HDAC4: variants seen among roughly 807,000 people sequenced by gnomAD.
The protein encoded by HDAC4 is histone deacetylase A.
In HDAC4, 16 loss-of-function variants were observed where a neutral mutation model predicts 135.1. The ratio of observed to expected loss-of-function variants is 0.12; its 90% CI spans 0.08 to 0.18. The LOEUF is 0.18. Ranked by LOEUF, HDAC4 falls within the 10% of genes least tolerant of loss-of-function variation. The probability of loss-of-function intolerance (pLI) is 1.00; values close to 1 mark genes in which losing one functional copy is unlikely to be tolerated. For synonymous variants in HDAC4, 685 were observed against 653.4 expected, an observed-to-expected ratio of 1.05 and a Z score of -0.74; for missense variants, 1,143 against 1,511.8, an observed-to-expected ratio of 0.76 and a Z score of 4.05.
intron 24 of HDAC4, among the ~76,000 whole-genome samples, chr2:239,055,656 G>A (rs750534754): frequency 6.6e-6 from 1 of 151,016 alleles, no homozygotes; most frequent in Non-Finnish European, 1.5e-5. Context: ...GGCGGAGGCT[G>A]TAGTGAGCCA....
At chr2:239,166,783 G>A (rs755224747) in intron 5 of HDAC4, among the ~76,000 whole-genome samples, 3 of 152,216 alleles carry the variant, frequency 2.0e-5, no homozygotes, top group East Asian at 1.9e-4. Flanking sequence ...AAGGCCGGGC[G>A]GTGGGGAAGA....
rs1207960041 is a variant in HDAC4 at position 239,139,204 on chromosome 2, T to C, written c.978+480A>G. Among the ~76,000 whole-genome samples, 3 of 152,212 alleles carry C rather than the reference T, an allele frequency of 2.0e-5. No homozygotes were observed. The highest frequency in any genetic ancestry group is 6.5e-5 in the Admixed American group (1 of 15,290). On this transcript the variant is annotated intron_variant, in intron 9 of 26. Coordinates refer to ENST00000543185, the MANE Select transcript of HDAC4 (RefSeq NM_001378414.1). This position sits in a 1 kb window ranked among gnomAD's most constrained non-coding sequence, Gnocchi z 5.3. ...GCTCCAGTCGGCCCTGACACATAGT[T>C]TGTTGGCCGACATCGTGTTGTGTAT...
At chr2:239,189,569 G>A (rs553229999) in intron 4 of HDAC4, among the ~76,000 whole-genome samples, 19 of 152,276 alleles carry the variant, frequency 1.2e-4, no homozygotes, top group East Asian at 9.7e-4. Flanking sequence ...GAAATTAGGC[G>A]ATAAGCATTT....
chr2:239,205,638 A>C (rs1434361701), intron 3 of HDAC4, among the ~76,000 whole-genome samples: 4 of 152,144 alleles, frequency 2.6e-5, no homozygotes, highest in Non-Finnish European at 4.4e-5. Context: ...AGAGAAATCT[A>C]AACAGACTTC....
intron 15 of HDAC4, 151 bp from the exon 16 acceptor site, chr2:239,103,047 G>A: frequency 2.4e-6 from 2 of 827,080 alleles, no homozygotes; most frequent in South Asian, 1.6e-5. Context: ...AAAAGAAGAA[G>A]CAACATCACC....
At chr2:239,355,248 T>C (rs1170305345) in intron 1 of HDAC4, among the ~76,000 whole-genome samples, 1 of 152,262 alleles carries the variant, frequency 6.6e-6, no homozygotes, top group African/African-American at 2.4e-5. Flanking sequence ...ATTATTTTTG[T>C]TAAACTTGTT....
chr2:239,128,276 G>T (rs2040331866), intron 11 of HDAC4, among the ~76,000 whole-genome samples: 1 of 150,904 alleles, frequency 6.6e-6, no homozygotes, highest in South Asian at 2.1e-4. Context: ...GCTGGGCGCG[G>T]TGGTGGCTGT....
At chr2:239,305,912 A>C (rs2052555510) in intron 2 of HDAC4, among the ~76,000 whole-genome samples, 1 of 152,242 alleles carries the variant, frequency 6.6e-6, no homozygotes, top group African/African-American at 2.4e-5. Context: ...ATCTGACAGC[A>C]TTCAAGGAGA....
intron 3 of HDAC4, 28 bp downstream of exon 3, chr2:239,236,565 C>A (rs775985925): frequency 6.5e-7 from 1 of 1,542,618 alleles, no homozygotes; most frequent in Admixed American, 2.0e-5. Flanking sequence ...CAGGGCCGGC[C>A]GGACAGGGCA....
chr2:239,064,975 G>A (rs1373798146), intron 24 of HDAC4, among the ~76,000 whole-genome samples: 2 of 152,200 alleles, frequency 1.3e-5, no homozygotes, highest in Non-Finnish European at 2.9e-5. Flanking sequence ...CAGACCCCGC[G>A]AGCGCCGTGC....
chr2:239,398,684 T>C (rs1474857033), intron 1 of HDAC4, among the ~76,000 whole-genome samples: 1 of 152,092 alleles, frequency 6.6e-6, no homozygotes, highest in African/African-American at 2.4e-5. Context: ...CATTTGGGGA[T>C]TTTTATTTTG....
intron 1 of HDAC4, among the ~76,000 whole-genome samples, chr2:239,370,841 A>C (rs1385492844): frequency 6.6e-6 from 1 of 152,238 alleles, no homozygotes; most frequent in Non-Finnish European, 1.5e-5. Context: ...TTACTTTAAG[A>C]ACGTTCCTGG....
At chr2:239,120,407 A>G (rs990568420) in intron 12 of HDAC4, among the ~76,000 whole-genome samples, 1 of 126,724 alleles carries the variant, frequency 7.9e-6, no homozygotes, top group Admixed American at 8.1e-5. Context: ...ACACAGACAC[A>G]CACACACAGA....
intron 2 of HDAC4, among the ~76,000 whole-genome samples, chr2:239,344,745 AAC>A (rs1002431586): frequency 2.6e-5 from 4 of 152,202 alleles, no homozygotes; most frequent in African/African-American, 9.7e-5. Context: ...GTATTTTTGA[AAC>A]CTTGCCTTTA....
At chr2:239,304,210 G>C (rs1415484290) in intron 2 of HDAC4, among the ~76,000 whole-genome samples, 1 of 152,202 alleles carries the variant, frequency 6.6e-6, no homozygotes, top group East Asian at 1.9e-4. Flanking sequence ...TGAGCTCGGG[G>C]AAGAAGTCCA....
chr2:239,326,860 G>A (rs923658073), intron 2 of HDAC4, among the ~76,000 whole-genome samples: 3 of 152,200 alleles, frequency 2.0e-5, no homozygotes, highest in African/African-American at 7.2e-5. Context: ...CTCTCTGAAT[G>A]CTGATGGGAG....
intron 2 of HDAC4, among the ~76,000 whole-genome samples, chr2:239,264,866 C>A (rs919673645): frequency 6.6e-6 from 1 of 152,208 alleles, no homozygotes; most frequent in Non-Finnish European, 1.5e-5. Flanking sequence ...GTTCCGGGGA[C>A]CTGAAGGCCC....
chr2:239,063,367 AT>A (rs373851311), intron 24 of HDAC4, among the ~76,000 whole-genome samples: 7 of 148,606 alleles, frequency 4.7e-5, no homozygotes, highest in Admixed American at 6.7e-5. Flanking sequence ...CCCCCGACTA[AT>A]TTTTTTTTTG....
chr2:239,277,773 G>T (rs934057537), intron 2 of HDAC4, among the ~76,000 whole-genome samples: 10 of 152,212 alleles, frequency 6.6e-5, no homozygotes, highest in African/African-American at 1.7e-4. Context: ...GAAAACACCT[G>T]CGTTCCACAG....
Sources: gnomAD v4.1 joint callset for allele counts (sites outside exome capture counted in the v4.1 genomes callset) on GRCh38, gnomAD v4.1.1 for gene constraint, Gnocchi (gnomAD v3.1) non-coding constraint, MANE v1.5 for transcripts, NCBI Gene and HGNC (gene_info 2026-07-23, HGNC 2026-07-21) for gene names.